PCDHA11: variants seen among roughly 807,000 people sequenced by gnomAD.
PCDHA11 encodes the protein protocadherin alpha 11.
In PCDHA11, 61 loss-of-function variants were observed where a neutral mutation model predicts 70.3. That is an observed-to-expected ratio of 0.87 (90% CI 0.71 to 1.07). PCDHA11 has a LOEUF of 1.07. Ranked by LOEUF, PCDHA11 falls within the 50% of genes least tolerant of loss-of-function variation. PCDHA11 has a pLI of 0.00. For synonymous variants in PCDHA11, 633 were observed against 555.1 expected, an observed-to-expected ratio of 1.14 and a Z score of -1.97; for missense variants, 1,324 against 1,237.5, an observed-to-expected ratio of 1.07 and a Z score of -1.05.
At chr5:140,897,712 G>A (rs1180745180) in intron 1 of PCDHA11, among the ~76,000 whole-genome samples, 3 of 152,162 alleles carry the variant, frequency 2.0e-5, no homozygotes, top group African/African-American at 7.2e-5. Context: ...CCAGTAATGG[G>A]ATGGCTGGGT....
intron 1 of PCDHA11, among the ~76,000 whole-genome samples, chr5:140,922,214 C>T (rs1554200731): frequency 1.3e-5 from 2 of 152,004 alleles, no homozygotes; most frequent in African/African-American, 4.8e-5. Context: ...CTTTGTAAAA[C>T]ATTTGAACCT....
chr5:140,982,623 C>T, intron 3 of PCDHA11, 60 bp downstream of exon 3: 1 of 1,583,652 alleles, frequency 6.3e-7, no homozygotes, highest in South Asian at 1.2e-5. Context: ...AGATGACCTA[C>T]TTTTGTAAGA....
chr5:140,953,456 C>T (rs1159331179), intron 1 of PCDHA11, among the ~76,000 whole-genome samples: 1 of 152,110 alleles, frequency 6.6e-6, no homozygotes, highest in Admixed American at 6.5e-5. Context: ...GATTATCTGT[C>T]AGAGTTTTAA....
At chr5:140,877,198 G>C (rs781787046) in intron 1 of PCDHA11, 26 of 1,613,712 alleles carry the variant, frequency 1.6e-5, no homozygotes, top group Non-Finnish European at 2.2e-5. Flanking sequence ...CGCAGGAGGC[G>C]CAGTTAGCGA....
chr5:140,897,720 G>A (rs1457512042), intron 1 of PCDHA11, among the ~76,000 whole-genome samples: 1 of 152,086 alleles, frequency 6.6e-6, no homozygotes, highest in Non-Finnish European at 1.5e-5. Context: ...GGGATGGCTG[G>A]GTCAAATAGT....
intron 1 of PCDHA11, among the ~76,000 whole-genome samples, chr5:140,917,939 G>A (rs1408047210): frequency 6.6e-6 from 1 of 151,830 alleles, no homozygotes; most frequent in African/African-American, 2.4e-5. Context: ...AAATAATATT[G>A]GTAGTTTGAT....
intron 1 of PCDHA11, among the ~76,000 whole-genome samples, chr5:140,924,932 AAAAT>A (rs2082199458): frequency 7.6e-6 from 1 of 131,842 alleles, no homozygotes; most frequent in East Asian, 2.6e-4. Flanking sequence ...AAAATAAAAT[AAAAT>A]AAAAAGTTAA....
chr5:140,917,485 C>T (rs191372458), intron 1 of PCDHA11, among the ~76,000 whole-genome samples: 1 of 152,326 alleles, frequency 6.6e-6, no homozygotes, highest in Admixed American at 6.5e-5. Flanking sequence ...TTGCCAGGGC[C>T]TATGCCCAGA....
At chr5:140,927,183 C>T (rs1554204140) in intron 1 of PCDHA11, 12 of 1,614,160 alleles carry the variant, frequency 7.4e-6, no homozygotes, top group Non-Finnish European at 1.0e-5. Context: ...TCTTGACCTA[C>T]GACCTGGTGC....
chr5:140,875,655 G>C, intron 1 of PCDHA11: 1 of 1,613,724 alleles, frequency 6.2e-7, no homozygotes, highest in Middle Eastern at 1.7e-4. Context: ...AGCTGGTGCC[G>C]CGCCTGTTCC....
intron 3 of PCDHA11, among the ~76,000 whole-genome samples, chr5:140,987,213 CAA>C (rs58319157): frequency 9.3e-5 from 11 of 118,826 alleles, no homozygotes; most frequent in African/African-American, 1.6e-4. Flanking sequence ...GACTCCATCT[CAA>C]AAAAAAAAAA....
intron 3 of PCDHA11, among the ~76,000 whole-genome samples, chr5:141,003,556 A>G (rs1183434751): frequency 6.6e-6 from 1 of 152,034 alleles, no homozygotes; most frequent in Non-Finnish European, 1.5e-5. Flanking sequence ...CAAGTGATCC[A>G]CCTGCCTCAG....
chr5:140,967,431 T>G, intron 1 of PCDHA11: 1 of 1,613,498 alleles, frequency 6.2e-7, no homozygotes, highest in Non-Finnish European at 8.5e-7. Flanking sequence ...CAGGCAGCCT[T>G]GCACCACCTG....
intron 3 of PCDHA11, among the ~76,000 whole-genome samples, 199 bp downstream of exon 3, chr5:140,982,762 TAAC>T (rs1210027762): frequency 6.6e-6 from 1 of 152,130 alleles, no homozygotes; most frequent in Non-Finnish European, 1.5e-5. Context: ...TGAAAAAGGA[TAAC>T]AAGGAAAGTG....
rs528840085 is a variant in PCDHA11 at position 140,876,225 on chromosome 5, GT to G, written c.2391+4732del. 8.8e-5 allele frequency: 142 copies of G among 1,613,982 alleles called. No homozygotes were observed. The African/African-American group carries it at 1.7e-3, about 20-fold the overall frequency. The stretch of plus-strand genomic sequence containing the variant: ...ATAAGCCCAGCTATAAAGTAGTGTT[GT>G]CTGAAAATGTCCAAAACGACACAAG... On this transcript the variant is annotated intron_variant, in intron 1 of 3. Coordinates refer to ENST00000398640, the MANE Select transcript of PCDHA11 (RefSeq NM_018902.5).
intron 1 of PCDHA11, among the ~76,000 whole-genome samples, chr5:140,931,490 C>T (rs1209591038): frequency 6.6e-6 from 1 of 151,888 alleles, no homozygotes; most frequent in Non-Finnish European, 1.5e-5. Flanking sequence ...ACCCTTCAAA[C>T]CAAATTTTTA....
chr5:140,945,620 C>T (rs1451535910), intron 1 of PCDHA11, among the ~76,000 whole-genome samples: 2 of 152,092 alleles, frequency 1.3e-5, no homozygotes, highest in African/African-American at 4.8e-5. Context: ...CAGCATGGTA[C>T]TGGCATAAAA....
At chr5:140,910,428 G>A (rs2075029085) in intron 1 of PCDHA11, among the ~76,000 whole-genome samples, 1 of 152,130 alleles carries the variant, frequency 6.6e-6, no homozygotes, top group Admixed American at 6.5e-5. Flanking sequence ...TATTCCCATT[G>A]CATTTAAGTT....
At chr5:140,993,817 T>C (rs1467199618) in intron 3 of PCDHA11, among the ~76,000 whole-genome samples, 2 of 152,240 alleles carry the variant, frequency 1.3e-5, no homozygotes, top group Non-Finnish European at 2.9e-5. Context: ...CTAGGAGCAA[T>C]AGGCTATACC....
Sources: allele counts gnomAD v4.1 joint callset (sites outside exome capture counted in the v4.1 genomes callset), GRCh38; gene constraint gnomAD v4.1.1; transcripts MANE v1.5; gene names NCBI Gene and HGNC (gene_info 2026-07-23, HGNC 2026-07-21).